The following TNFSF8 variants were observed in gnomAD, a reference collection of about 807,000 sequenced individuals.
TNFSF8 encodes the protein TNF superfamily member 8, also known as tumor necrosis factor ligand superfamily member 8.
A neutral mutation model predicts 22.0 loss-of-function variants in TNFSF8; 4 were observed. The observed-to-expected ratio is 0.18, with a 90% CI of 0.09 to 0.42. The LOEUF is 0.42. Among genes scored for constraint, TNFSF8 ranks in the 10% least tolerant of loss-of-function variants. TNFSF8 has a pLI of 1.00. For synonymous variants in TNFSF8, 106 were observed against 112.5 expected, an observed-to-expected ratio of 0.94 and a Z score of 0.37; for missense variants, 233 against 281.8, an observed-to-expected ratio of 0.83 and a Z score of 1.24.
chr9:114,904,294 A>G lies in TNFSF8; in HGVS notation c.342T>C (p.Ser114=), dbSNP rs775634328. 2.3e-5 allele frequency: 37 copies of G among 1,611,988 alleles called. 1 individual carries two copies. The highest frequency in any genetic ancestry group is 3.1e-5 in the Non-Finnish European group (37 of 1,178,774). ...VAKHLNKTKL[S]WNKDGILHGV... The stretch of plus-strand genomic sequence containing the variant: ...CATGGAGAATGCCATCTTTGTTCCA[A>G]GACAACTTGGTTTTGTTTAGATGCT... Residue 114 remains serine (S), a synonymous_variant, in exon 4 of 4, where the codon TCT becomes TCC. Transcript: ENST00000223795.
chr9:114,899,612 G>C (rs1827695177), downstream of TNFSF8, among the ~76,000 whole-genome samples: 1 of 152,176 alleles, frequency 6.6e-6, no homozygotes, highest in South Asian at 2.1e-4. Context: ...GGAAGCCCCA[G>C]AGTGCATTGA....
At chr9:114,913,949 T>G (rs1827883452) in intron 2 of TNFSF8, among the ~76,000 whole-genome samples, 1 of 152,258 alleles carries the variant, frequency 6.6e-6, no homozygotes, top group Non-Finnish European at 1.5e-5. Flanking sequence ...TACAGAATTC[T>G]TCTAGTGCAG....
intron 2 of TNFSF8, among the ~76,000 whole-genome samples, chr9:114,913,583 C>A (rs1827878492): frequency 6.6e-6 from 1 of 152,118 alleles, no homozygotes; most frequent in African/African-American, 2.4e-5. Context: ...GTAGACTTGG[C>A]CAGCAGGTAG....
chr9:114,895,617 C>T (rs1275852104), intron 4 of TNFSF8, among the ~76,000 whole-genome samples: 1 of 152,124 alleles, frequency 6.6e-6, no homozygotes, highest in Non-Finnish European at 1.5e-5. Flanking sequence ...GATAAAATAC[C>T]CCAAGAGTTG....
At chr9:114,899,491 G>T (rs1231868437), downstream of TNFSF8, among the ~76,000 whole-genome samples, 1 of 152,092 alleles carries the variant, frequency 6.6e-6, no homozygotes, top group Non-Finnish European at 1.5e-5. Flanking sequence ...TGTGAGAAGA[G>T]CCCATGAGGA....
chr9:114,916,890 T>A (rs926708571), intron 2 of TNFSF8, among the ~76,000 whole-genome samples: 12 of 152,202 alleles, frequency 7.9e-5, no homozygotes, highest in Admixed American at 6.5e-5. Context: ...TCTACTATGC[T>A]CCTTTTAATA....
At chr9:114,924,574 T>C (rs775769722) in intron 1 of TNFSF8, among the ~76,000 whole-genome samples, 4 of 152,156 alleles carry the variant, frequency 2.6e-5, no homozygotes, top group Non-Finnish European at 2.9e-5. Flanking sequence ...CAGCAAGATA[T>C]TGACACAGCA....
intron 2 of TNFSF8, among the ~76,000 whole-genome samples, chr9:114,907,947 G>A (rs137943151): frequency 6.6e-5 from 10 of 152,268 alleles, no homozygotes; most frequent in East Asian, 3.9e-4. Context: ...ACCGCTGCCC[G>A]AATGGATTCC....
At chr9:114,911,329 T>G (rs775118135) in intron 2 of TNFSF8, among the ~76,000 whole-genome samples, 15 of 152,238 alleles carry the variant, frequency 9.9e-5, no homozygotes, top group Non-Finnish European at 2.1e-4. Flanking sequence ...ACTCTGCATC[T>G]GCCATGCCCT....
intron 1 of TNFSF8, among the ~76,000 whole-genome samples, chr9:114,920,644 G>A (rs1252290076): frequency 6.6e-6 from 1 of 152,124 alleles, no homozygotes; most frequent in Non-Finnish European, 1.5e-5. Flanking sequence ...TTCTGATTCT[G>A]CAGATTTGGG....
intron 4 of TNFSF8, among the ~76,000 whole-genome samples, chr9:114,895,787 C>A (rs948054590): frequency 6.6e-6 from 1 of 152,224 alleles, no homozygotes; most frequent in African/African-American, 2.4e-5. Flanking sequence ...GCCAAGGCCA[C>A]TATTCTTTCC....
chr9:114,894,776 A>G (rs1827640374), intron 4 of TNFSF8, among the ~76,000 whole-genome samples: 1 of 152,260 alleles, frequency 6.6e-6, no homozygotes, highest in Admixed American at 6.5e-5. Context: ...AAGTAAACAC[A>G]TCAAAGTAAT....
At chr9:114,924,305 A>C (rs1456691268) in intron 1 of TNFSF8, among the ~76,000 whole-genome samples, 3 of 152,222 alleles carry the variant, frequency 2.0e-5, no homozygotes, top group Non-Finnish European at 1.5e-5. Context: ...TATTATCATA[A>C]CACAGTATGT....
intron 4 of TNFSF8, among the ~76,000 whole-genome samples, chr9:114,896,097 G>A (rs1007638651): frequency 6.6e-6 from 1 of 152,180 alleles, no homozygotes; most frequent in African/African-American, 2.4e-5. Flanking sequence ...CCACTTGGGG[G>A]AAACAGAGAA....
rs532221203 is a variant in TNFSF8 at position 114,930,439 on chromosome 9, C to T, written c.-136G>A. On this transcript the variant is annotated 5_prime_UTR_variant, in exon 1 of 4. Transcript: ENST00000223795. ...TTGGAAAAAAACCTTCACCTGCTGC[C>T]TGGTGGAGAAACTCTTCTCTGGGGG... 40 of 664,422 alleles carry T rather than the reference C, an allele frequency of 6.0e-5. No individual in the cohort carries two copies. The African/African-American group carries it at 6.5e-4, about 11-fold the overall frequency. 41.2% of individuals were successfully genotyped at this position (664,422 alleles called of 1,614,324 possible). A position where few individuals can be genotyped will look rare whatever the true frequency, so the allele number is the denominator to read the frequency against.
chr9:114,922,829 C>T (rs554134089), intron 1 of TNFSF8, among the ~76,000 whole-genome samples: 5 of 152,080 alleles, frequency 3.3e-5, no homozygotes, highest in South Asian at 2.1e-4. Flanking sequence ...TGACCAGCAT[C>T]GGGGGATTTT....
chr9:114,893,708 T>C (rs954342823), exon 5 of TNFSF8: 1 of 185,010 alleles, frequency 5.4e-6, no homozygotes, highest in African/African-American at 2.3e-5. Flanking sequence ...GGCTGTTGCA[T>C]GATTGTCAGG....
chr9:114,911,637 A>C (rs1161682537), intron 2 of TNFSF8, among the ~76,000 whole-genome samples: 1 of 152,174 alleles, frequency 6.6e-6, no homozygotes, highest in African/African-American at 2.4e-5. Context: ...ATATGAACAC[A>C]CTTAGTGCTG....
chr9:114,929,357 CTTTTTTT>C (rs370592705), intron 1 of TNFSF8, among the ~76,000 whole-genome samples: 19 of 133,052 alleles, frequency 1.4e-4, no homozygotes, highest in African/African-American at 4.9e-4. Context: ...TGTGCTGTTT[CTTTTTTT>C]TTTTTTTTTG....
Sources: gnomAD v4.1 joint callset for allele counts (sites outside exome capture counted in the v4.1 genomes callset) on GRCh38, gnomAD v4.1.1 for gene constraint, MANE v1.5 for transcripts, NCBI Gene and HGNC (gene_info 2026-07-23, HGNC 2026-07-21) for gene names.